MACF1: variants seen among roughly 807,000 people sequenced by gnomAD.
MACF1 encodes microtubule-actin cross-linking factor 1.
MACF1 carries 193 observed loss-of-function variants against 854.8 expected under a neutral mutation model. The ratio of observed to expected loss-of-function variants is 0.23; its 90% CI spans 0.20 to 0.25. The LOEUF (loss-of-function observed/expected upper bound fraction) is 0.25, where lower values mean the gene tolerates loss of function less well. Ranked by LOEUF, MACF1 falls within the 10% of genes least tolerant of loss-of-function variation. The pLI is 1.00. For synonymous variants in MACF1, 3,185 were observed against 3,226.7 expected, an observed-to-expected ratio of 0.99 and a Z score of 0.44; for missense variants, 7,722 against 8,929.1, an observed-to-expected ratio of 0.86 and a Z score of 5.45.
chr1:39,372,250 G>A (rs556926006), intron 51 of MACF1, among the ~76,000 whole-genome samples: 2 of 152,280 alleles, frequency 1.3e-5, no homozygotes, highest in South Asian at 4.1e-4. Flanking sequence ...GATAATCTGA[G>A]CTTCTGGTTT....
intron 2 of MACF1, among the ~76,000 whole-genome samples, chr1:39,235,399 T>G (rs867330561): frequency 4.9e-4 from 74 of 152,330 alleles, no homozygotes; most frequent in African/African-American, 1.5e-3. Flanking sequence ...GCAGGCTGAG[T>G]CAGGAGAATC....
At chr1:39,249,965 A>G (rs1645022178) in intron 2 of MACF1, 49 bp from the exon 3 acceptor site, 3 of 1,059,872 alleles carry the variant, frequency 2.8e-6, no homozygotes, top group Non-Finnish European at 4.4e-6. Context: ...TGGATAGTAT[A>G]ATAATTCAAT....
At chr1:39,336,892 C>T (rs935042632) in intron 37 of MACF1, among the ~76,000 whole-genome samples, 1 of 152,090 alleles carries the variant, frequency 6.6e-6, no homozygotes, top group South Asian at 2.1e-4. Context: ...TAAATAGAAA[C>T]GAGCTAATAG....
Position 39,333,881 on chromosome 1 carries a change from G to A in MACF1, c.7293G>A (p.Val2431=), listed in dbSNP as rs1461829965. Residue 2431 remains valine, a synonymous_variant, in exon 37 of 101, where the codon GTG becomes GTA. Coordinates refer to ENST00000564288, the MANE Select transcript of MACF1 (RefSeq NM_001394062.1). ...CTTTGGCCTCAACTCTTGGCTTGGT[G>A]GACGTTGCTGACCAGCCAGAACTTA... The part of the protein sequence containing the change: ...SVTLASTLGL[V]DVADQPELIN... 5 of 1,614,180 alleles carry A rather than the reference G, an allele frequency of 3.1e-6. No homozygotes were observed. The highest frequency in any genetic ancestry group is 2.5e-6 in the Non-Finnish European group (3 of 1,180,026).
In MACF1 at chr1:39,353,107, A is replaced by G. The variant is rs777880032; in HGVS notation, c.11300A>G (p.Asn3767Ser). Residue 3767 changes from asparagine (N) to serine (S), a missense_variant, in exon 44 of 101, where the codon AAC (asparagine) becomes AGC (serine). Physicochemically the swap from Asn to Ser is conservative, Grantham distance 46. Around this residue, in one of 15 missense-constraint regions of MACF1, gnomAD observed 2,807 missense variants for 3,235.8 expected, o/e 0.87. Coordinates refer to ENST00000564288, the MANE Select transcript of MACF1 (RefSeq NM_001394062.1). ...TCATCTGGTGGACAGCTGCTGACCA[A>G]CCTTCCAGGAATGGAGCAGCTCTCG... is the stretch of plus-strand genomic sequence containing the variant. ...VGSSGGQLLT[N>S]LPGMEQLSGA... 4.3e-6 allele frequency: 7 copies of G among 1,614,000 alleles called. No homozygotes were observed. The East Asian group carries it at 8.9e-5, about 21-fold the overall frequency.
At position 39,336,107 on chromosome 1, in the gene MACF1, C is replaced by T. The variant is rs748441643; in HGVS notation, c.9519C>T (p.Tyr3173=). The part of the protein sequence containing the change: ...SSSNECKEKS[Y]QEVSFDPARG... ...CTAATGAATGTAAAGAAAAGTCATA[C>T]CAAGAAGTATCTTTTGACCCAGCAA... Residue 3173 remains tyrosine (Y), a synonymous_variant, in exon 37 of 101, where the codon TAC becomes TAT. Coordinates refer to ENST00000564288, the MANE Select transcript of MACF1 (RefSeq NM_001394062.1). The T allele has an allele frequency of 1.2e-6, 2 of 1,613,898 alleles. No individual in the cohort carries two copies. Among genetic ancestry groups the T allele is most frequent in the South Asian group, 2.2e-5 (2 of 91,044 alleles).
At chr1:39,370,217 G>T in intron 51 of MACF1, 31 bp downstream of exon 51, 7 of 1,578,120 alleles carry the variant, frequency 4.4e-6, no homozygotes, top group Non-Finnish European at 6.0e-6. Context: ...CAAGAATTGG[G>T]CTAGGCACTG....
At chr1:39,298,916 G>T (rs564033657) in intron 21 of MACF1, among the ~76,000 whole-genome samples, 2 of 152,036 alleles carry the variant, frequency 1.3e-5, no homozygotes, top group South Asian at 4.2e-4. Flanking sequence ...TCGCTGCTCT[G>T]TTCCCTCCTC....
chr1:39,241,730 GA>G (rs1383285499), intron 2 of MACF1, among the ~76,000 whole-genome samples: 2 of 151,498 alleles, frequency 1.3e-5, no homozygotes, highest in African/African-American at 4.8e-5. Context: ...GTATGGCGGG[GA>G]GGGGGGACTC....
intron 2 of MACF1, among the ~76,000 whole-genome samples, chr1:39,139,556 TA>T (rs1557477811): frequency 6.6e-6 from 1 of 152,194 alleles, no homozygotes; most frequent in Non-Finnish European, 1.5e-5. Context: ...TAAAATGAAC[TA>T]GTGCTTTCTG....
At chr1:39,380,431 G>T (rs1483092018) in intron 55 of MACF1, 58 bp downstream of exon 55, 2 of 1,516,340 alleles carry the variant, frequency 1.3e-6, no homozygotes, top group African/African-American at 2.8e-5. Context: ...AAAGCAAGTA[G>T]AGAATTTCAG....
At chr1:39,255,513 T>G (rs1645086829) in intron 5 of MACF1, among the ~76,000 whole-genome samples, 1 of 152,182 alleles carries the variant, frequency 6.6e-6, no homozygotes, top group African/African-American at 2.4e-5. Flanking sequence ...GTCAGTTCAT[T>G]TTTGACACTC....
chr1:39,295,074 A>G lies in MACF1; in HGVS notation c.2183A>G (p.Gln728Arg), dbSNP rs1403896144. Residue 728 changes from glutamine to arginine, a missense_variant, in exon 19 of 101, where the codon CAG (glutamine) becomes CGG (arginine). Coordinates refer to ENST00000564288, the MANE Select transcript of MACF1 (RefSeq NM_001394062.1). ...SELTMELEEK[Q>R]DVFRSLQDTA... Reference sequence around the variant, plus strand: ...TTGACAATGGAACTGGAGGAGAAACAGGATGTGTTTCGTTCTCTACAAGAT... The same window carrying G: ...TTGACAATGGAACTGGAGGAGAAACGGGATGTGTTTCGTTCTCTACAAGAT... 6.2e-7 allele frequency: 1 copy of G among 1,614,056 alleles called. No homozygotes were observed.
chr1:39,126,213 AG>A lies in MACF1; in HGVS notation c.220+41777del, dbSNP rs556447627. The stretch of plus-strand genomic sequence containing the variant: ...TGTCAGCAGAGTTGATTCCTTGTGA[AG>A]GCTGTGAGGGAGAACCTGTTCCATG... On this transcript the variant is annotated intron_variant, in intron 2 of 93. Coordinates refer to the MACF1 transcript ENST00000361689. 1.4e-4 allele frequency among the ~76,000 whole-genome samples: 21 copies of A among 152,306 alleles called. No homozygotes were observed. The East Asian group carries it at 3.9e-3, about 28-fold the overall frequency.
chr1:39,348,388 C>T (rs1420929964), intron 41 of MACF1, among the ~76,000 whole-genome samples: 1 of 152,230 alleles, frequency 6.6e-6, no homozygotes, highest in African/African-American at 2.4e-5. Flanking sequence ...AACATTCTCC[C>T]TGAGCATGTA....
chr1:39,280,671 G>A (rs1257873093), intron 6 of MACF1, among the ~76,000 whole-genome samples: 1 of 152,108 alleles, frequency 6.6e-6, no homozygotes, highest in African/African-American at 2.4e-5. Context: ...TCCACCTCCT[G>A]GGTTCAAGCG....
At chr1:39,458,314 C>A in intron 89 of MACF1, 56 bp from the exon 90 acceptor site, 1 of 1,573,060 alleles carries the variant, frequency 6.4e-7, no homozygotes, top group East Asian at 2.3e-5. Context: ...TCCTTTGCCC[C>A]CATAAGAGTA....
intron 19 of MACF1, 36 bp from the exon 20 acceptor site, chr1:39,295,745 GTTAAAC>G (rs772913344): frequency 6.9e-7 from 1 of 1,446,628 alleles, no homozygotes; most frequent in Non-Finnish European, 9.6e-7. Context: ...TATTGAGTCT[GTTAAAC>G]TCAAGCCCTT....
chr1:39,114,217 A>G (rs1228534174), intron 2 of MACF1, among the ~76,000 whole-genome samples: 1 of 148,132 alleles, frequency 6.8e-6, no homozygotes, highest in Non-Finnish European at 1.5e-5. Context: ...CCACATTAAT[A>G]TGTGTTCATA....
Sources: allele counts gnomAD v4.1 joint callset (sites outside exome capture counted in the v4.1 genomes callset), GRCh38; gene constraint gnomAD v4.1.1; regional missense constraint gnomAD v4.1.1; transcripts MANE v1.5; gene names NCBI Gene and HGNC (gene_info 2026-07-23, HGNC 2026-07-21).